Variants in PLIN2 observed in about 807,000 individuals in gnomAD.
PLIN2 encodes the protein perilipin 2.
In PLIN2, 33 loss-of-function variants were observed where a neutral mutation model predicts 30.6. The ratio of observed to expected loss-of-function variants is 1.08; its 90% confidence interval spans 0.82 to 1.44. PLIN2 has a LOEUF of 1.44. Ranked by LOEUF, PLIN2 falls within the 40% of genes most tolerant of loss-of-function variation. PLIN2 has a pLI of 0.00. For synonymous variants in PLIN2, 205 were observed against 201.1 expected (o/e 1.02, Z -0.16); for missense variants, 610 against 531.8 (o/e 1.15, Z -1.45).
At position 19,116,139 on chromosome 9, in the gene PLIN2, T is replaced by C; in HGVS notation, c.*109A>G. 2 of 1,071,548 alleles carry C rather than the reference T, an allele frequency of 1.9e-6. No individual in the cohort carries two copies. Among genetic ancestry groups the C allele is most frequent in the Non-Finnish European group, 2.7e-6 (2 of 751,028 alleles). 66.4% of individuals were successfully genotyped at this position (1,071,548 alleles called of 1,614,324 possible). ...TGGAAACAACTACAATTGAGGGCCTTTATACTAGCTACTTGCTTCCCAATT... is the reference window on the plus strand; with the variant it reads ...TGGAAACAACTACAATTGAGGGCCTCTATACTAGCTACTTGCTTCCCAATT... On this transcript the variant is annotated 3_prime_UTR_variant, in exon 8 of 8. Coordinates refer to ENST00000276914, the MANE Select transcript of PLIN2 (RefSeq NM_001122.4).
chr9:19,112,760 C>T (rs181586286), downstream of PLIN2, among the ~76,000 whole-genome samples: 55 of 147,170 alleles, frequency 3.7e-4, no homozygotes, highest in African/African-American at 1.4e-3. Flanking sequence ...GACATGTTGA[C>T]AAATGAATGA....
At chr9:19,124,221 T>G (rs953389469) in intron 3 of PLIN2, among the ~76,000 whole-genome samples, 2 of 152,122 alleles carry the variant, frequency 1.3e-5, no homozygotes, top group African/African-American at 4.8e-5. Context: ...CCTTATCAAC[T>G]GGCCCCTAAT....
chr9:19,109,104 G>A (rs890062906), intron 2 of PLIN2, among the ~76,000 whole-genome samples: 1 of 152,076 alleles, frequency 6.6e-6, no homozygotes, highest in Non-Finnish European at 1.5e-5. Context: ...AGCAACTGAG[G>A]AAACAAAAGG....
intron 7 of PLIN2, among the ~76,000 whole-genome samples, 168 bp downstream of exon 7, chr9:19,118,153 G>C (rs1378128802): frequency 1.3e-5 from 2 of 152,082 alleles, no homozygotes; most frequent in African/African-American, 2.4e-5. Flanking sequence ...AAAATTATTC[G>C]CTGCCTAGTT....
rs993384530 is a variant in PLIN2, at chr9:19,123,241, A to G, written c.309+324T>C. 10 of 953,966 alleles carry G rather than the reference A, an allele frequency of 1.0e-5. No homozygotes were observed. In the African/African-American group the frequency reaches 1.1e-4, roughly 11 times the overall value. The allele number at this position is 953,966 out of a possible 1,614,324, so 59.1% of individuals were successfully genotyped here. ...CAAGCCAGGTGAGAAAAGGTTATATATATCACGTCTGCATTTATTTAATAC... is the reference window on the plus strand; with the variant it reads ...CAAGCCAGGTGAGAAAAGGTTATATGTATCACGTCTGCATTTATTTAATAC... On this transcript the variant is annotated intron_variant, in intron 4 of 7. Transcript: ENST00000276914.
At chr9:19,122,780 T>G (rs191140695) in intron 4 of PLIN2, among the ~76,000 whole-genome samples, 2 of 152,108 alleles carry the variant, frequency 1.3e-5, no homozygotes, top group African/African-American at 4.8e-5. Flanking sequence ...GCATGCTCCT[T>G]ATGAGAATCT....
intron 2 of PLIN2, among the ~76,000 whole-genome samples, chr9:19,110,039 T>C (rs1445650802): frequency 6.6e-6 from 1 of 152,084 alleles, no homozygotes; most frequent in East Asian, 1.9e-4. Flanking sequence ...TTTTGTTTTG[T>C]TTTAGATGGA....
chr9:19,113,920 G>A (rs1022450850), downstream of PLIN2, among the ~76,000 whole-genome samples: 3 of 151,822 alleles, frequency 2.0e-5, no homozygotes, highest in Non-Finnish European at 4.4e-5. Flanking sequence ...GATTACAGGT[G>A]CACGCCCCCA....
downstream of PLIN2, among the ~76,000 whole-genome samples, chr9:19,114,147 T>G (rs185794348): frequency 6.6e-6 from 1 of 152,166 alleles, no homozygotes; most frequent in Admixed American, 6.6e-5. Context: ...ACTCCTGACC[T>G]CAAGTGATCT....
chr9:19,112,536 C>T (rs142976673), downstream of PLIN2, among the ~76,000 whole-genome samples: 366 of 151,930 alleles, frequency 2.4e-3, no homozygotes, highest in Admixed American at 3.8e-3. Flanking sequence ...TGGTGAAACC[C>T]CATCTTTACA....
At chr9:19,123,460 G>A in intron 4 of PLIN2, 105 bp downstream of exon 4, 1 of 1,579,300 alleles carries the variant, frequency 6.3e-7, no homozygotes, top group Non-Finnish European at 8.6e-7. Flanking sequence ...ATCCAGGTTG[G>A]GAAAACAAGT....
chr9:19,119,641 T>C lies in PLIN2; in HGVS notation c.777+9A>G, dbSNP rs1240331979. On this transcript the variant is annotated intron_variant, in intron 6 of 7. Transcript: ENST00000276914. Reference sequence around the variant, plus strand: ...CACTTCAGACACCTTAAAATAAAGTTTTACTCACCAGGTGAACAGTAGAAT... The same window carrying C: ...CACTTCAGACACCTTAAAATAAAGTCTTACTCACCAGGTGAACAGTAGAAT... 1 of 1,527,086 alleles carries C rather than the reference T, an allele frequency of 6.5e-7. No individual in the cohort carries two copies. Among genetic ancestry groups the C allele is most frequent in the Admixed American group, 2.0e-5 (1 of 49,310 alleles). 94.6% of individuals were successfully genotyped at this position (1,527,086 alleles called of 1,614,324 possible). A position where few individuals can be genotyped will look rare whatever the true frequency, so the allele number is the denominator to read the frequency against.
intron 3 of PLIN2, among the ~76,000 whole-genome samples, chr9:19,124,052 T>C (rs925765707): frequency 1.3e-5 from 2 of 151,218 alleles, no homozygotes; most frequent in African/African-American, 2.4e-5. Flanking sequence ...GTTGATCTTA[T>C]ACAACAGAAG....
rs765249196 is a variant in PLIN2, at chr9:19,121,153, C to T, written c.322G>A (p.Ala108Thr). The change falls in exon 5 of 8, where the codon GCC becomes ACC. Residue 108 changes from alanine (A) to threonine (T), a missense_variant. Transcript: ENST00000276914. ...NQPSTQIVAN[A>T]KGAVTGAKDA... is the part of the protein sequence containing the mutation. Reference sequence around the variant, plus strand: ...TTTGCCCCAGTCACAGCGCCTTTGGCATTGGCAACAATCTGTAAGTAGAAA... The same window carrying T: ...TTTGCCCCAGTCACAGCGCCTTTGGTATTGGCAACAATCTGTAAGTAGAAA... The T allele has an allele frequency of 6.2e-7, 1 of 1,613,850 alleles. No homozygotes were observed. Among genetic ancestry groups the T allele is most frequent in the South Asian group, 1.1e-5 (1 of 91,084 alleles).
At chr9:19,108,683 A>G (rs1818122432) in exon 3 of PLIN2, 1 of 152,680 alleles carries the variant, frequency 6.5e-6, no homozygotes, top group Admixed American at 6.5e-5. Flanking sequence ...CTCCTCTTCC[A>G]AAGCTATAAT....
At chr9:19,111,143 C>T (rs574032519), downstream of PLIN2, among the ~76,000 whole-genome samples, 14 of 152,004 alleles carry the variant, frequency 9.2e-5, no homozygotes, top group Non-Finnish European at 1.3e-4. Context: ...CTGCAACCTT[C>T]GCCTCCCAGG....
chr9:19,111,964 G>T (rs546864385), downstream of PLIN2, among the ~76,000 whole-genome samples: 53 of 152,042 alleles, frequency 3.5e-4, no homozygotes, highest in Non-Finnish European at 5.7e-4. Context: ...ACCATGAGCT[G>T]GTATTATATA....
chr9:19,123,369 T>A, intron 4 of PLIN2, 196 bp downstream of exon 4: 3 of 1,551,018 alleles, frequency 1.9e-6, no homozygotes, highest in Non-Finnish European at 2.6e-6. Context: ...AGGAGGCTAG[T>A]TCTTCTCTGC....
At chr9:19,108,531 C>G (rs937808621) in exon 3 of PLIN2, 1 of 152,580 alleles carries the variant, frequency 6.6e-6, no homozygotes, top group Non-Finnish European at 1.5e-5. Flanking sequence ...TAACACTCTT[C>G]AAAGTCACAG....
Sources: allele counts gnomAD v4.1 joint callset (sites outside exome capture counted in the v4.1 genomes callset), GRCh38; gene constraint gnomAD v4.1.1; transcripts MANE v1.5; gene names NCBI Gene and HGNC (gene_info 2026-07-23, HGNC 2026-07-21).